SPPL3: variants seen among roughly 807,000 people sequenced by gnomAD.
The protein encoded by SPPL3 is signal peptide peptidase like 3.
A neutral mutation model predicts 42.4 loss-of-function variants in SPPL3; 5 were observed. That is an observed-to-expected ratio of 0.12 (90% CI 0.06 to 0.25). The LOEUF (loss-of-function observed/expected upper bound fraction) is 0.25. Ranked by LOEUF, SPPL3 falls within the 10% of genes least tolerant of loss-of-function variation. The probability of loss-of-function intolerance (pLI) is 1.00; values close to 1 mark genes in which losing one functional copy is unlikely to be tolerated. For synonymous variants in SPPL3, 195 were observed against 181.8 expected (o/e 1.07, Z -0.58); for missense variants, 235 against 489.0 (o/e 0.48, Z 4.90).
chr12:120,810,336 G>C (rs1047417843), intron 2 of SPPL3, among the ~76,000 whole-genome samples: 5 of 151,372 alleles, frequency 3.3e-5, no homozygotes, highest in Admixed American at 6.6e-5. Context: ...GGTTTCCCTG[G>C]TCTTCGTAAG....
At chr12:120,892,834 T>A (rs1434729400) in intron 1 of SPPL3, among the ~76,000 whole-genome samples, 3 of 151,052 alleles carry the variant, frequency 2.0e-5, no homozygotes, top group African/African-American at 7.3e-5. Flanking sequence ...TACAAAAAAT[T>A]AGCCGGGCAT....
Position 120,764,569 on chromosome 12 carries a change from T to A in SPPL3, c.*430A>T. The A allele has an allele frequency of 3.6e-6, 1 of 280,254 alleles. No homozygotes were observed. Among genetic ancestry groups the A allele is most frequent in the Non-Finnish European group, 6.6e-6 (1 of 151,726 alleles). The allele number at this position is 280,254 out of a possible 1,614,324, so 17.4% of individuals were successfully genotyped here. On this transcript the variant is annotated 3_prime_UTR_variant, in exon 11 of 11. Coordinates refer to ENST00000353487, the MANE Select transcript of SPPL3 (RefSeq NM_139015.5). ...TGAAACTGAGTCCCCTATAGGAAACTGGTCCCAAAGTTCTCGAGGGGTCAT... is the reference window on the plus strand; with the variant it reads ...TGAAACTGAGTCCCCTATAGGAAACAGGTCCCAAAGTTCTCGAGGGGTCAT...
intron 1 of SPPL3, among the ~76,000 whole-genome samples, chr12:120,846,448 C>T (rs182674901): frequency 2.6e-5 from 4 of 152,216 alleles, no homozygotes; most frequent in Admixed American, 6.5e-5. Context: ...ACGAAATAAT[C>T]GACAGTGTCT....
At chr12:120,772,782 C>G (rs1437274005) in intron 6 of SPPL3, among the ~76,000 whole-genome samples, 1 of 152,140 alleles carries the variant, frequency 6.6e-6, no homozygotes, top group Non-Finnish European at 1.5e-5. Context: ...CCCTACAACT[C>G]AGAGGAGTTG....
At chr12:120,806,878 G>A (rs1190688693) in intron 2 of SPPL3, among the ~76,000 whole-genome samples, 1 of 139,394 alleles carries the variant, frequency 7.2e-6, no homozygotes, top group Admixed American at 7.2e-5. Flanking sequence ...AGAAAACATA[G>A]GAGAAAATCC....
chr12:120,852,255 C>T (rs1009876649), intron 1 of SPPL3, among the ~76,000 whole-genome samples: 2 of 150,766 alleles, frequency 1.3e-5, no homozygotes, highest in African/African-American at 2.4e-5. Flanking sequence ...AGTTTGTCAT[C>T]GCACATAGTT....
intron 1 of SPPL3, among the ~76,000 whole-genome samples, chr12:120,828,596 G>A (rs560227171): frequency 6.6e-6 from 1 of 152,288 alleles, no homozygotes; most frequent in African/African-American, 2.4e-5. Flanking sequence ...AAAAAAGTTG[G>A]AGGATTCACA....
chr12:120,807,543 A>G (rs961846705), intron 2 of SPPL3, among the ~76,000 whole-genome samples: 1 of 151,878 alleles, frequency 6.6e-6, no homozygotes, highest in Non-Finnish European at 1.5e-5. Context: ...GCATGGTGGC[A>G]TATGCCTGTA....
chr12:120,786,705 A>G (rs1869734229), intron 3 of SPPL3, among the ~76,000 whole-genome samples: 1 of 152,140 alleles, frequency 6.6e-6, no homozygotes, highest in Non-Finnish European at 1.5e-5. Context: ...TCACAGGGCA[A>G]GTAAAGCGCC....
intron 2 of SPPL3, among the ~76,000 whole-genome samples, chr12:120,802,431 A>ATTTTTTTTTT (rs1166451844): frequency 9.5e-6 from 1 of 105,162 alleles, no homozygotes. Context: ...ATATATATAT[A>ATTTTTTTTTT]TTTTTTTTTT....
intron 1 of SPPL3, among the ~76,000 whole-genome samples, chr12:120,828,279 G>C (rs956724400): frequency 6.6e-6 from 1 of 151,920 alleles, no homozygotes; most frequent in East Asian, 1.9e-4. Context: ...AACTGAATGA[G>C]GATGAAAACA....
At chr12:120,813,405 C>T (rs1418805250) in intron 1 of SPPL3, among the ~76,000 whole-genome samples, 1 of 151,382 alleles carries the variant, frequency 6.6e-6, no homozygotes, top group South Asian at 2.1e-4. Flanking sequence ...GCAACCTCCA[C>T]CTCCTAGGTT....
intron 1 of SPPL3, among the ~76,000 whole-genome samples, chr12:120,900,622 A>C (rs1032432077): frequency 6.8e-6 from 1 of 146,146 alleles, no homozygotes; most frequent in Non-Finnish European, 1.5e-5. Context: ...AAGAGAGATC[A>C]ATTGCCGGGT....
At chr12:120,793,611 T>C (rs974566542) in intron 2 of SPPL3, among the ~76,000 whole-genome samples, 1 of 152,230 alleles carries the variant, frequency 6.6e-6, no homozygotes, top group Non-Finnish European at 1.5e-5. Context: ...ACACTACTAG[T>C]GGGAATGTGA....
At chr12:120,810,953 T>C (rs1224824960) in intron 1 of SPPL3, 67 bp from the exon 2 acceptor site, 3 of 1,187,504 alleles carry the variant, frequency 2.5e-6, no homozygotes, top group Admixed American at 1.9e-5. Flanking sequence ...TACAGTCTAA[T>C]GGAGTTCTAT....
intron 2 of SPPL3, among the ~76,000 whole-genome samples, chr12:120,804,210 G>C (rs1484932584): frequency 1.3e-5 from 2 of 152,120 alleles, no homozygotes; most frequent in African/African-American, 4.8e-5. Flanking sequence ...ACTAACTCAA[G>C]AAAATCTAAA....
intron 2 of SPPL3, among the ~76,000 whole-genome samples, chr12:120,810,337 T>C (rs886212137): frequency 5.3e-5 from 8 of 152,146 alleles, no homozygotes; most frequent in Non-Finnish European, 1.2e-4. Context: ...GTTTCCCTGG[T>C]CTTCGTAAGC....
chr12:120,876,218 T>C (rs895127525), intron 1 of SPPL3, among the ~76,000 whole-genome samples: 1 of 152,040 alleles, frequency 6.6e-6, no homozygotes, highest in African/African-American at 2.4e-5. Flanking sequence ...ACAAAGCATA[T>C]TCTCTAACTA....
At position 120,763,264 on chromosome 12, in the gene SPPL3, C is replaced by A. The variant is rs1309429166; in HGVS notation, c.*1735G>T. 1 of 152,462 alleles carries A rather than the reference C, an allele frequency of 6.6e-6. No individual in the cohort carries two copies. The highest frequency in any genetic ancestry group is 2.4e-5 in the African/African-American group (1 of 41,450). The allele number at this position is 152,462 out of a possible 1,614,324, so 9.4% of individuals were successfully genotyped here. A position where few individuals can be genotyped will look rare whatever the true frequency, so the allele number is the denominator to read the frequency against. On this transcript the variant is annotated 3_prime_UTR_variant, in exon 11 of 11. Transcript: ENST00000353487. Reference sequence around the variant, plus strand: ...GAGTCATTTATTAAAAACAAAACCCCAGAAACCCCTCAGCAGGAATTGATG... The same window carrying A: ...GAGTCATTTATTAAAAACAAAACCCAAGAAACCCCTCAGCAGGAATTGATG...
Sources: allele counts gnomAD v4.1 joint callset (sites outside exome capture counted in the v4.1 genomes callset), GRCh38; gene constraint gnomAD v4.1.1; transcripts MANE v1.5; gene names NCBI Gene and HGNC (gene_info 2026-07-23, HGNC 2026-07-21).